Variants in PDE4D observed in about 807,000 individuals in gnomAD.
The protein encoded by PDE4D is phosphodiesterase 4D, also known as 3',5'-cyclic-AMP phosphodiesterase 4D.
In PDE4D, 24 loss-of-function variants were observed where a neutral mutation model predicts 87.4. The ratio of observed to expected loss-of-function variants is 0.27; its 90% confidence interval spans 0.20 to 0.39. PDE4D has a LOEUF of 0.39. Among genes scored for constraint, PDE4D ranks in the 10% least tolerant of loss-of-function variants. The pLI, the probability that PDE4D is intolerant of heterozygous loss-of-function variation, is 1.00. For synonymous variants in PDE4D, 384 were observed against 383.2 expected (o/e 1.00, Z -0.02); for missense variants, 714 against 1,041.0 (o/e 0.69, Z 4.32).
intron 1 of PDE4D, among the ~76,000 whole-genome samples, chr5:60,309,720 G>A (rs1212251521): frequency 6.6e-6 from 1 of 152,158 alleles, no homozygotes; most frequent in Non-Finnish European, 1.5e-5. Context: ...CATCAGGAAT[G>A]GGGCCATAGG....
chr5:59,355,369 T>C (rs62358047), intron 1 of PDE4D, among the ~76,000 whole-genome samples: 12,678 of 152,258 alleles, frequency 0.083, 626 homozygotes, highest in Middle Eastern at 0.14. Flanking sequence ...TTTTACTTTA[T>C]TCAGCAGCTG....
chr5:60,066,697 G>A (rs1158025038), intron 2 of PDE4D, among the ~76,000 whole-genome samples: 1 of 151,898 alleles, frequency 6.6e-6, no homozygotes, highest in Admixed American at 6.6e-5. Context: ...TATTAGATGA[G>A]TCATCTCATT....
rs533644594 is a variant in PDE4D at position 59,131,580 on chromosome 5, T to C, written c.808+49015A>G. On this transcript the variant is annotated intron_variant, in intron 5 of 14. Coordinates refer to ENST00000340635, the MANE Select transcript of PDE4D (RefSeq NM_001104631.2). ...TGGCCCTTGGTTAAATTTAAAGAAA[T>C]AATAAGGCCAATTTAAAACACACAC... Among the ~76,000 whole-genome samples, 5 of 136,646 alleles carry C rather than the reference T, an allele frequency of 3.7e-5. No homozygotes were observed. In the East Asian group the frequency reaches 8.9e-4, roughly 24 times the overall value. The allele number at this position is 136,646 out of a possible 152,430, so 89.6% of individuals were successfully genotyped here.
At chr5:59,060,698 G>A (rs1270093834) in intron 5 of PDE4D, among the ~76,000 whole-genome samples, 1 of 152,090 alleles carries the variant, frequency 6.6e-6, no homozygotes, top group Non-Finnish European at 1.5e-5. Flanking sequence ...GCCAGGCTGA[G>A]ACTTGGATGT....
chr5:59,805,896 G>T (rs1000883940), intron 1 of PDE4D, among the ~76,000 whole-genome samples: 22 of 151,932 alleles, frequency 1.4e-4, no homozygotes. Flanking sequence ...AAGCACTTTT[G>T]CCACCTCCCC....
intron 1 of PDE4D, among the ~76,000 whole-genome samples, chr5:59,878,365 T>A (rs1477502159): frequency 2.0e-5 from 3 of 152,206 alleles, no homozygotes; most frequent in South Asian, 4.1e-4. Flanking sequence ...TATTTCAAAC[T>A]TTCCCCCACT....
At position 59,571,318 on chromosome 5, in the gene PDE4D, A is replaced by C. The variant is rs569015802; in HGVS notation, c.455+321850T>G. ...TTAGCAATGATGAATTGGTGTGAAG[A>C]CTCAGGTACTGAAAGGTCATTTCCC... On this transcript the variant is annotated intron_variant, in intron 1 of 14. Coordinates refer to ENST00000340635, the MANE Select transcript of PDE4D (RefSeq NM_001104631.2). 7.9e-5 allele frequency among the ~76,000 whole-genome samples: 12 copies of C among 152,300 alleles called. 1 individual carries two copies. The East Asian group carries it at 1.5e-3, about 20-fold the overall frequency.
intron 1 of PDE4D, among the ~76,000 whole-genome samples, chr5:59,393,782 G>A (rs903095932): frequency 1.3e-5 from 2 of 152,180 alleles, no homozygotes; most frequent in Non-Finnish European, 2.9e-5. Flanking sequence ...TCAAGGGCAG[G>A]TGCCAGGTAC....
chr5:60,156,562 A>T (rs2149452147), intron 2 of PDE4D, among the ~76,000 whole-genome samples: 1 of 152,324 alleles, frequency 6.6e-6, no homozygotes, highest in South Asian at 2.1e-4. Context: ...TCACTTCTGG[A>T]TTATCACTAG....
At chr5:59,202,532 A>G (rs969646139) in intron 2 of PDE4D, among the ~76,000 whole-genome samples, 1 of 151,864 alleles carries the variant, frequency 6.6e-6, no homozygotes, top group African/African-American at 2.4e-5. Context: ...TTATTTCTTA[A>G]AGCAGGTTAG....
At chr5:59,481,886 A>G (rs1433244197) in intron 1 of PDE4D, among the ~76,000 whole-genome samples, 1 of 152,074 alleles carries the variant, frequency 6.6e-6, no homozygotes, top group East Asian at 1.9e-4. Flanking sequence ...GCCGTAAGAT[A>G]TTAGTAAAAT....
intron 1 of PDE4D, among the ~76,000 whole-genome samples, chr5:59,702,316 G>A (rs1016469467): frequency 6.6e-6 from 1 of 151,984 alleles, no homozygotes; most frequent in African/African-American, 2.4e-5. Flanking sequence ...AGTAGAGACG[G>A]GGTTTCACAC....
At chr5:59,204,914 G>C (rs1748407716) in intron 2 of PDE4D, among the ~76,000 whole-genome samples, 1 of 152,232 alleles carries the variant, frequency 6.6e-6, no homozygotes. Flanking sequence ...TGATCAAACA[G>C]AGAGGAGAGC....
In PDE4D at chr5:59,988,854, C is replaced by T. The variant is rs1762714296; in HGVS notation, c.43-137G>A. 9 of 496,194 alleles carry T rather than the reference C, an allele frequency of 1.8e-5. No homozygotes were observed. In the South Asian group the frequency reaches 3.5e-4, roughly 19 times the overall value. 30.7% of individuals were successfully genotyped at this position (496,194 alleles called of 1,614,324 possible). A position where few individuals can be genotyped will look rare whatever the true frequency, so the allele number is the denominator to read the frequency against. Reference sequence around the variant, plus strand: ...AAAAATGCTATCTAGAAAACAGTGACATTAACTGAACAATATTTGATTAAC... The same window carrying T: ...AAAAATGCTATCTAGAAAACAGTGATATTAACTGAACAATATTTGATTAAC... On this transcript the variant is annotated intron_variant, in intron 2 of 16. Coordinates refer to the PDE4D transcript ENST00000502484.
intron 1 of PDE4D, among the ~76,000 whole-genome samples, chr5:59,638,238 A>G (rs1160559099): frequency 1.3e-5 from 2 of 152,168 alleles, no homozygotes; most frequent in Admixed American, 6.5e-5. Flanking sequence ...AAAGCAAAAA[A>G]CAAAGAAACT....
chr5:59,891,278 A>G (rs1201794548), intron 1 of PDE4D, among the ~76,000 whole-genome samples: 2 of 152,224 alleles, frequency 1.3e-5, no homozygotes, highest in African/African-American at 4.8e-5. Flanking sequence ...TCTCAGGCAT[A>G]TTCTATTTTA....
intron 5 of PDE4D, among the ~76,000 whole-genome samples, chr5:59,098,566 T>C (rs904775781): frequency 1.3e-5 from 2 of 151,320 alleles, no homozygotes; most frequent in Admixed American, 1.3e-4. Flanking sequence ...TTGCTGGGTA[T>C]GGTGGCATGC....
At chr5:59,461,876 T>C (rs902286704) in intron 1 of PDE4D, among the ~76,000 whole-genome samples, 6 of 152,160 alleles carry the variant, frequency 3.9e-5, no homozygotes, top group Admixed American at 1.3e-4. Context: ...ATGATATATC[T>C]GGCCCTTACT....
intron 2 of PDE4D, among the ~76,000 whole-genome samples, chr5:59,204,750 T>A (rs1184436767): frequency 1.3e-5 from 2 of 152,192 alleles, no homozygotes; most frequent in Non-Finnish European, 2.9e-5. Flanking sequence ...TCACAGTTTA[T>A]CTTATTGGCA....
Sources: allele counts gnomAD v4.1 joint callset (sites outside exome capture counted in the v4.1 genomes callset), GRCh38; gene constraint gnomAD v4.1.1; transcripts MANE v1.5; gene names NCBI Gene and HGNC (gene_info 2026-07-23, HGNC 2026-07-21).